Variants in ZNF589 observed in about 807,000 individuals in gnomAD.
ZNF589 encodes the protein KRAB-zinc finger protein SZF1-1.
In ZNF589, 17 loss-of-function variants were observed where a neutral mutation model predicts 13.6. The ratio of observed to expected loss-of-function variants is 1.25; its 90% CI spans 0.86 to 1.88. The LOEUF (loss-of-function observed/expected upper bound fraction) is 1.88. Among genes scored for constraint, ZNF589 ranks in the 40% most tolerant of loss-of-function variants. The probability of loss-of-function intolerance (pLI) is 0.00; values close to 1 mark genes in which losing one functional copy is unlikely to be tolerated. For missense variants in ZNF589, 407 were observed against 434.0 expected, an observed-to-expected ratio of 0.94 and a Z score of 0.55; for synonymous variants, 148 against 161.6, an observed-to-expected ratio of 0.92 and a Z score of 0.64.
intron 3 of ZNF589, among the ~76,000 whole-genome samples, chr3:48,266,569 T>C (rs570345089): frequency 6.6e-6 from 1 of 152,340 alleles, no homozygotes; most frequent in South Asian, 2.1e-4. Flanking sequence ...CTCACGCCTG[T>C]AATCCCAGCA....
In ZNF589 at chr3:48,268,176, G is replaced by C; in HGVS notation, c.485G>C (p.Gly162Ala). ...TTGTTTTGGAGTACAAATGAAAGGG[G>C]GGCTTTAGTGGGTTTCTCTAGCCTG... ...RPLFWSTNERGALVGFSSLFQ... is the reference protein window; with the variant it reads ...RPLFWSTNERAALVGFSSLFQ... Residue 162 changes from glycine to alanine, a missense_variant, in exon 4 of 4, where the codon GGG (glycine) becomes GCG (alanine). Coordinates refer to ENST00000354698, the MANE Select transcript of ZNF589 (RefSeq NM_016089.3). The C allele has an allele frequency of 6.2e-7, 1 of 1,612,138 alleles. No individual in the cohort carries two copies. The highest frequency in any genetic ancestry group is 8.5e-7 in the Non-Finnish European group (1 of 1,178,992).
chr3:48,269,414 G>A lies in ZNF589; in HGVS notation c.*628G>A. 2 of 455,558 alleles carry A rather than the reference G, an allele frequency of 4.4e-6. No homozygotes were observed. The highest frequency in any genetic ancestry group is 2.2e-5 in the South Asian group (1 of 45,524). 28.2% of individuals were successfully genotyped at this position (455,558 alleles called of 1,614,324 possible). On this transcript the variant is annotated 3_prime_UTR_variant, in exon 4 of 4. Coordinates refer to ENST00000354698, the MANE Select transcript of ZNF589 (RefSeq NM_016089.3). ...TGATAAATCAACTCTCCTCGCACAC[G>A]AGCAGACACATTCAGGGGAGAAGCC...
chr3:48,259,100 C>T (rs2033940156), intron 2 of ZNF589, among the ~76,000 whole-genome samples: 1 of 152,164 alleles, frequency 6.6e-6, no homozygotes, highest in South Asian at 2.1e-4. Context: ...GGGACAGCAG[C>T]CCACACCACT....
chr3:48,254,178 C>T (rs2033871433), intron 2 of ZNF589, among the ~76,000 whole-genome samples: 1 of 152,140 alleles, frequency 6.6e-6, no homozygotes, highest in South Asian at 2.1e-4. Context: ...ATTGCTTGAA[C>T]CCAGGAAGTG....
chr3:48,247,556 G>C, intron 1 of ZNF589, 69 bp from the exon 2 acceptor site: 1 of 1,585,478 alleles, frequency 6.3e-7, no homozygotes, highest in Non-Finnish European at 8.6e-7. Context: ...AGGCTCAGAG[G>C]GCTCTTGGGG....
intron 2 of ZNF589, 85 bp from the exon 3 acceptor site, chr3:48,260,728 G>C: frequency 6.3e-7 from 1 of 1,590,964 alleles, no homozygotes; most frequent in Admixed American, 1.7e-5. Context: ...TTCTTATGTA[G>C]CTAGATGCTC....
intron 1 of ZNF589, among the ~76,000 whole-genome samples, chr3:48,243,508 G>A (rs1163031012): frequency 6.6e-6 from 1 of 152,012 alleles, no homozygotes; most frequent in Non-Finnish European, 1.5e-5. Flanking sequence ...GGATAGCAAA[G>A]CTAAAGAAAG....
At chr3:48,256,656 G>T in intron 2 of ZNF589, 1 of 1,170,156 alleles carries the variant, frequency 8.5e-7, no homozygotes, top group Non-Finnish European at 1.3e-6. Flanking sequence ...CCTCCATGGG[G>T]CTGGATGAAC....
rs2034061915 is a variant in ZNF589 at position 48,269,252 on chromosome 3, A to G, written c.*466A>G. The G allele has an allele frequency of 1.3e-6, 2 of 1,557,654 alleles. No homozygotes were observed. Among genetic ancestry groups the G allele is most frequent in the Admixed American group, 1.7e-5 (1 of 58,222 alleles). On this transcript the variant is annotated 3_prime_UTR_variant, in exon 4 of 4. Transcript: ENST00000354698. ...ATCACAGCTCATCAGACACCAGAGG[A>G]CACACACAGGAGAAAAGCCTTATGT...
chr3:48,268,505 G>C lies in ZNF589; in HGVS notation c.814G>C (p.Gly272Arg), dbSNP rs2034048294. 11 of 1,613,894 alleles carry C rather than the reference G, an allele frequency of 6.8e-6. No homozygotes were observed. The highest frequency in any genetic ancestry group is 9.3e-6 in the Non-Finnish European group (11 of 1,179,964). ...QLIIHQRTHT[G>R]EKPYVCGECG... The stretch of plus-strand genomic sequence containing the variant: ...CATCATACACCAGAGGACACACACA[G>C]GAGAAAAGCCTTATGTCTGCGGAGA... The change falls in exon 4 of 4, where the codon GGA becomes CGA. Residue 272 changes from glycine to arginine, a missense_variant. Gly to Arg is a moderately radical substitution (Grantham distance 125). Transcript: ENST00000354698.
At chr3:48,255,487 C>CTTTTTT (rs1230659894) in intron 2 of ZNF589, among the ~76,000 whole-genome samples, 3 of 82,784 alleles carry the variant, frequency 3.6e-5, no homozygotes, top group African/African-American at 5.2e-5. Flanking sequence ...AGAGTTTTTA[C>CTTTTTT]TTTTTTTTTT....
At position 48,241,116 on chromosome 3, in the gene ZNF589, C is replaced by A; in HGVS notation, c.-56C>A. On this transcript the variant is annotated 5_prime_UTR_variant, in exon 1 of 4. Coordinates refer to ENST00000354698, the MANE Select transcript of ZNF589 (RefSeq NM_016089.3). ...AGTGGCCCGCGGTGCGCATTCTAATCCGTTTCACACACGGTGCTGCTACCT... is the reference window on the plus strand; with the variant it reads ...AGTGGCCCGCGGTGCGCATTCTAATACGTTTCACACACGGTGCTGCTACCT... 1.9e-6 allele frequency: 3 copies of A among 1,610,110 alleles called. No individual in the cohort carries two copies. Among genetic ancestry groups the A allele is most frequent in the Middle Eastern group, 1.7e-4 (1 of 6,028 alleles).
rs59231973 is a variant in ZNF589 at position 48,253,498 on chromosome 3, CTTT to C, written c.96+5838_96+5840del. 1.4e-3 allele frequency among the ~76,000 whole-genome samples: 130 copies of C among 95,318 alleles called. 1 individual carries two copies. The highest frequency in any genetic ancestry group is 1.9e-3 in the Non-Finnish European group (92 of 47,658). The allele number at this position is 95,318 out of a possible 152,430, so 62.5% of individuals were successfully genotyped here. On this transcript the variant is annotated intron_variant, in intron 2 of 3. Transcript: ENST00000354698. ...CCAAGGTAGTACTAGTCATATTTTTCTTTTTTTTTTTTTTTTTTTGAGACGGAG... is the reference window on the plus strand; with the variant it reads ...CCAAGGTAGTACTAGTCATATTTTTCTTTTTTTTTTTTTTTTGAGACGGAG...
At chr3:48,242,376 T>G (rs778584994) in intron 1 of ZNF589, among the ~76,000 whole-genome samples, 1 of 152,006 alleles carries the variant, frequency 6.6e-6, no homozygotes, top group Non-Finnish European at 1.5e-5. Flanking sequence ...CCTCCCAAAG[T>G]GTTGGGATTA....
In ZNF589 at chr3:48,246,590, G is replaced by A. The variant is rs1013655771; in HGVS notation, c.44-1035G>A. Among the ~76,000 whole-genome samples, 4 of 152,308 alleles carry A rather than the reference G, an allele frequency of 2.6e-5. No homozygotes were observed. The East Asian group carries it at 5.8e-4, about 22-fold the overall frequency. On this transcript the variant is annotated intron_variant, in intron 1 of 3. Coordinates refer to ENST00000354698, the MANE Select transcript of ZNF589 (RefSeq NM_016089.3). The stretch of plus-strand genomic sequence containing the variant: ...CTCCCAAAGTGTTAGGATTACAGGC[G>A]TGAGCCACTGAAACCGGCCTGACAC...
intron 1 of ZNF589, among the ~76,000 whole-genome samples, chr3:48,246,886 T>A (rs933432166): frequency 2.6e-5 from 4 of 152,064 alleles, no homozygotes; most frequent in African/African-American, 9.7e-5. Context: ...GTCAGGATGG[T>A]CTCGATCTCC....
At chr3:48,243,272 C>A (rs570501836) in intron 1 of ZNF589, among the ~76,000 whole-genome samples, 84 of 151,782 alleles carry the variant, frequency 5.5e-4, no homozygotes, top group African/African-American at 1.9e-3. Flanking sequence ...CATAGTGAGA[C>A]TTCATCTTTG....
intron 3 of ZNF589, among the ~76,000 whole-genome samples, chr3:48,265,203 C>T (rs2034007156): frequency 6.6e-6 from 1 of 150,894 alleles, no homozygotes; most frequent in Non-Finnish European, 1.5e-5. Flanking sequence ...AACTCCTGAC[C>T]TCATGTGATC....
At chr3:48,242,494 G>T (rs1476376159) in intron 1 of ZNF589, among the ~76,000 whole-genome samples, 1 of 151,972 alleles carries the variant, frequency 6.6e-6, no homozygotes, top group Non-Finnish European at 1.5e-5. Context: ...TTTAGAAACA[G>T]GGTCTCCCTA....
Sources: allele counts gnomAD v4.1 joint callset (sites outside exome capture counted in the v4.1 genomes callset), GRCh38; gene constraint gnomAD v4.1.1; transcripts MANE v1.5; gene names NCBI Gene and HGNC (gene_info 2026-07-23, HGNC 2026-07-21).